Variants in ANKRD17 observed in about 807,000 individuals in gnomAD.
The protein encoded by ANKRD17 is ankyrin repeat domain 17, also known as ankyrin repeat domain-containing protein 17.
A neutral mutation model predicts 229.7 loss-of-function variants in ANKRD17; 19 were observed. That is an observed-to-expected ratio of 0.08 (90% CI 0.06 to 0.12). The LOEUF (loss-of-function observed/expected upper bound fraction) is 0.12. Ranked by LOEUF, ANKRD17 falls within the 10% of genes least tolerant of loss-of-function variation. ANKRD17 has a pLI of 1.00. For synonymous variants in ANKRD17, 1,112 were observed against 1,146.1 expected, an observed-to-expected ratio of 0.97 and a Z score of 0.60; for missense variants, 2,176 against 3,176.8, an observed-to-expected ratio of 0.68 and a Z score of 7.57.
chr4:73,097,002 G>T, intron 27 of ANKRD17, 115 bp downstream of exon 27: 1 of 1,236,208 alleles, frequency 8.1e-7, no homozygotes, highest in Non-Finnish European at 1.1e-6. Context: ...ATTTAGCCTT[G>T]AACCATCAGT....
In ANKRD17 at chr4:73,077,122, C is replaced by A; in HGVS notation, c.7588-18G>T. 1 of 1,545,932 alleles carries A rather than the reference C, an allele frequency of 6.5e-7. No homozygotes were observed. Among genetic ancestry groups the A allele is most frequent in the Non-Finnish European group, 8.7e-7 (1 of 1,148,436 alleles). ...GGCATACCCTTAAAAAAGGAAAACA[C>A]ACACATTAACATCCAAGTCATTGTT... On this transcript the variant is annotated intron_variant, in intron 32 of 33. Coordinates refer to ENST00000358602, the MANE Select transcript of ANKRD17 (RefSeq NM_032217.5).
chr4:73,243,778 T>G (rs979585028), intron 1 of ANKRD17, among the ~76,000 whole-genome samples: 2 of 152,212 alleles, frequency 1.3e-5, no homozygotes, highest in Non-Finnish European at 2.9e-5. Context: ...TAGATATGGC[T>G]GCGTAAGAAA....
chr4:73,098,998 C>T lies in ANKRD17; in HGVS notation c.4574-478G>A, dbSNP rs893727633. The T allele has an allele frequency of 1.8e-5, 18 of 980,152 alleles. No homozygotes were observed. The African/African-American group carries it at 2.9e-4, about 16-fold the overall frequency. 60.7% of individuals were successfully genotyped at this position (980,152 alleles called of 1,614,324 possible). On this transcript the variant is annotated intron_variant, in intron 25 of 33. Transcript: ENST00000358602. ...TGCCAACACCTAAGAGACCTTGGGGCCAACCAAAGGGAAGCAAAAACAAGG... is the reference window on the plus strand; with the variant it reads ...TGCCAACACCTAAGAGACCTTGGGGTCAACCAAAGGGAAGCAAAAACAAGG...
At chr4:73,178,471 A>G (rs928454319) in intron 1 of ANKRD17, among the ~76,000 whole-genome samples, 3 of 152,094 alleles carry the variant, frequency 2.0e-5, no homozygotes, top group Non-Finnish European at 4.4e-5. Context: ...TTCTTAAACT[A>G]GCATTTAATT....
intron 7 of ANKRD17, among the ~76,000 whole-genome samples, chr4:73,149,514 G>A (rs1730721163): frequency 6.6e-6 from 1 of 152,140 alleles, no homozygotes; most frequent in Non-Finnish European, 1.5e-5. Flanking sequence ...TGCTGTGTTA[G>A]GGGAACACAA....
chr4:73,161,356 AT>A lies in ANKRD17; in HGVS notation c.548-9del, dbSNP rs1320491435. 5 of 1,613,644 alleles carry A rather than the reference AT, an allele frequency of 3.1e-6. No individual in the cohort carries two copies. The Admixed American group carries it at 5.0e-5, about 16-fold the overall frequency. ...TGGACAATTTTCCTATTCCTATTAT[AT>A]TATTTTCACACCAATATGGACACAC... On this transcript the variant is annotated splice_polypyrimidine_tract_variant and intron_variant, in intron 2 of 33. Transcript: ENST00000358602.
At chr4:73,182,051 C>CAAAAAAAAAAAAAAAAAAAAAAAA (rs143812968) in intron 1 of ANKRD17, among the ~76,000 whole-genome samples, 1 of 43,244 alleles carries the variant, frequency 2.3e-5, no homozygotes, top group African/African-American at 1.1e-4. Context: ...CCGTCCCCAC[C>CAAAAAAAAAAAAAAAAAAAAAAAA]AAAAAAAAAA....
chr4:73,215,630 C>A (rs150634113), intron 1 of ANKRD17, among the ~76,000 whole-genome samples: 5 of 152,216 alleles, frequency 3.3e-5, no homozygotes, highest in Non-Finnish European at 1.5e-5. Context: ...TTATAAAAAT[C>A]ATACATGGTT....
intron 1 of ANKRD17, among the ~76,000 whole-genome samples, chr4:73,212,816 G>C (rs766432570): frequency 6.7e-6 from 1 of 150,300 alleles, no homozygotes; most frequent in Non-Finnish European, 1.5e-5. Flanking sequence ...AGGAGTTCGA[G>C]ACCAGCCTGG....
At chr4:73,152,960 T>C (rs1266631819) in intron 6 of ANKRD17, among the ~76,000 whole-genome samples, 3 of 152,190 alleles carry the variant, frequency 2.0e-5, no homozygotes, top group East Asian at 1.9e-4. Flanking sequence ...AATCCAAATA[T>C]ATAAGGATTA....
chr4:73,214,736 G>C (rs547082155), intron 1 of ANKRD17, among the ~76,000 whole-genome samples: 2 of 150,756 alleles, frequency 1.3e-5, no homozygotes, highest in South Asian at 4.2e-4. Context: ...AGGTGCAGTC[G>C]CTCACGCCTG....
chr4:73,090,435 C>T (rs576371848), intron 29 of ANKRD17, among the ~76,000 whole-genome samples: 70 of 152,042 alleles, frequency 4.6e-4, no homozygotes, highest in Admixed American at 8.5e-4. Context: ...AAAAAAACCC[C>T]GCCTGATCAG....
At chr4:73,112,102 T>G (rs114685705) in intron 24 of ANKRD17, among the ~76,000 whole-genome samples, 125 of 151,884 alleles carry the variant, frequency 8.2e-4, no homozygotes, top group African/African-American at 2.9e-3. Context: ...AGAGAAAGAG[T>G]AATAAAAAAC....
chr4:73,194,781 C>G (rs976048002), intron 1 of ANKRD17, among the ~76,000 whole-genome samples: 19 of 152,104 alleles, frequency 1.2e-4, no homozygotes, highest in African/African-American at 4.3e-4. Context: ...CAAAAATTAA[C>G]CTGAAATAAA....
intron 25 of ANKRD17, among the ~76,000 whole-genome samples, chr4:73,100,053 C>A (rs1056720150): frequency 6.6e-6 from 1 of 152,184 alleles, no homozygotes; most frequent in African/African-American, 2.4e-5. Context: ...TCCTCCCTGC[C>A]CCCCAAGGTT....
chr4:73,078,523 T>C, intron 31 of ANKRD17, 119 bp downstream of exon 31: 1 of 1,240,874 alleles, frequency 8.1e-7, no homozygotes, highest in Admixed American at 2.6e-5. Flanking sequence ...GAGCAACAAG[T>C]GAAACTCCAT....
intron 2 of ANKRD17, among the ~76,000 whole-genome samples, chr4:73,164,665 G>A (rs1191389590): frequency 1.3e-5 from 2 of 151,938 alleles, no homozygotes; most frequent in Non-Finnish European, 2.9e-5. Context: ...GGTGGCATGC[G>A]CCTATAGTCC....
At position 73,124,535 on chromosome 4, in the gene ANKRD17, C is replaced by G. The variant is rs78240554; in HGVS notation, c.3492+378G>C. Among the ~76,000 whole-genome samples, 229 of 152,222 alleles carry G rather than the reference C, an allele frequency of 1.5e-3. 5 individuals carry two copies. In the East Asian group the frequency reaches 0.034, roughly 23 times the overall value. On this transcript the variant is annotated intron_variant, in intron 18 of 33. Transcript: ENST00000358602. ...ATAAAAATTGAATATTCTTAATTCC[C>G]TACTAATCTTACAGACAGCAACAGA...
At chr4:73,171,585 C>T (rs968351405) in intron 2 of ANKRD17, among the ~76,000 whole-genome samples, 1 of 152,094 alleles carries the variant, frequency 6.6e-6, no homozygotes, top group African/African-American at 2.4e-5. Context: ...CACCAGGGAC[C>T]AATTCTGGAG....
Sources: allele counts gnomAD v4.1 joint callset (sites outside exome capture counted in the v4.1 genomes callset), GRCh38; gene constraint gnomAD v4.1.1; transcripts MANE v1.5; gene names NCBI Gene and HGNC (gene_info 2026-07-23, HGNC 2026-07-21).